NCAM2: variants seen among roughly 807,000 people sequenced by gnomAD.
NCAM2 encodes the protein neural cell adhesion molecule 2, also known as N-CAM-2.
NCAM2 carries 30 observed loss-of-function variants against 98.1 expected under a neutral mutation model. The observed-to-expected ratio is 0.31, with a 90% CI of 0.23 to 0.41. The LOEUF is 0.41. NCAM2 is among the 10% of genes least tolerant of loss of function. The pLI, the probability that NCAM2 is intolerant of heterozygous loss-of-function variation, is 1.00. For synonymous variants in NCAM2, 368 were observed against 342.4 expected, an observed-to-expected ratio of 1.07 and a Z score of -0.83; for missense variants, 867 against 1,005.8, an observed-to-expected ratio of 0.86 and a Z score of 1.87.
chr21:21,216,316 G>A (rs774345094), intron 1 of NCAM2, among the ~76,000 whole-genome samples: 3 of 152,234 alleles, frequency 2.0e-5, no homozygotes, highest in African/African-American at 2.4e-5. Context: ...GGGGAAGGGT[G>A]GATTAAAAAC....
chr21:21,057,050 T>C (rs967935854), intron 1 of NCAM2, among the ~76,000 whole-genome samples: 1 of 152,074 alleles, frequency 6.6e-6, no homozygotes, highest in African/African-American at 2.4e-5. Flanking sequence ...CATATATAAA[T>C]ACTTTCCCCC....
chr21:21,393,797 A>C (rs968260702), intron 9 of NCAM2, among the ~76,000 whole-genome samples: 13 of 152,316 alleles, frequency 8.5e-5, no homozygotes, highest in African/African-American at 3.1e-4. Flanking sequence ...TTCATGAAAA[A>C]TTCAAATATA....
intron 16 of NCAM2, among the ~76,000 whole-genome samples, chr21:21,513,256 G>A (rs1224970605): frequency 6.6e-6 from 1 of 151,874 alleles, no homozygotes; most frequent in Admixed American, 6.6e-5. Flanking sequence ...GTTAGCTTTG[G>A]CTCTTCCAGT....
intron 1 of NCAM2, among the ~76,000 whole-genome samples, chr21:21,051,407 G>C (rs8133391): frequency 0.88 from 134,031 of 152,220 alleles, 59,594 homozygotes; most frequent in Middle Eastern, 0.96. Flanking sequence ...AGCTCAGTTT[G>C]TATCCAGGAA....
intron 1 of NCAM2, among the ~76,000 whole-genome samples, chr21:21,036,770 T>C (rs541903075): frequency 2.0e-5 from 3 of 152,150 alleles, no homozygotes; most frequent in Admixed American, 6.5e-5. Flanking sequence ...CAAAGGCTTG[T>C]TATGCAGACG....
intron 3 of NCAM2, among the ~76,000 whole-genome samples, chr21:21,284,799 G>A (rs1001160004): frequency 6.6e-5 from 10 of 151,460 alleles, no homozygotes; most frequent in African/African-American, 2.4e-4. Context: ...AGAATCTGGG[G>A]AAGGGTCAGT....
chr21:21,017,857 G>T (rs1304205308), intron 1 of NCAM2, among the ~76,000 whole-genome samples: 2 of 151,958 alleles, frequency 1.3e-5, no homozygotes, highest in Non-Finnish European at 2.9e-5. Flanking sequence ...ATAGGTCTGT[G>T]TATATATATT....
chr21:21,060,001 A>G lies in NCAM2; in HGVS notation c.55+61383A>G, dbSNP rs199979195. Among the ~76,000 whole-genome samples, 4 of 152,226 alleles carry G rather than the reference A, an allele frequency of 2.6e-5. No individual in the cohort carries two copies. In the East Asian group the frequency reaches 7.7e-4, roughly 29 times the overall value. On this transcript the variant is annotated intron_variant, in intron 1 of 17. Transcript: ENST00000400546. ...TGTCTAACCCTGTGGATTTACTATC[A>G]TTATAATTAATGATGTGAAATATAA...
intron 15 of NCAM2, among the ~76,000 whole-genome samples, chr21:21,479,109 T>C (rs1985523762): frequency 6.6e-6 from 1 of 152,164 alleles, no homozygotes; most frequent in African/African-American, 2.4e-5. Context: ...AAATTTTTAA[T>C]TTAGTGTATA....
chr21:21,086,913 T>C (rs1037573708), intron 1 of NCAM2, among the ~76,000 whole-genome samples: 1 of 152,068 alleles, frequency 6.6e-6, no homozygotes, highest in Admixed American at 6.6e-5. Flanking sequence ...GCTAGGATTT[T>C]TTCAAATTGA....
chr21:21,068,247 C>T (rs1455727226), intron 1 of NCAM2, among the ~76,000 whole-genome samples: 1 of 149,722 alleles, frequency 6.7e-6, no homozygotes, highest in Non-Finnish European at 1.5e-5. Flanking sequence ...GTTCTCCTGC[C>T]TCATCCTCTA....
Position 21,542,549 on chromosome 21 carries a change from A to C in NCAM2, c.*4592A>C, listed in dbSNP as rs554909163. ...TTTTTTTCTTTTCTGAAATGAAAACATGAATCTTTTGGCATCTGTTTTTAG... is the reference window on the plus strand; with the variant it reads ...TTTTTTTCTTTTCTGAAATGAAAACCTGAATCTTTTGGCATCTGTTTTTAG... On this transcript the variant is annotated 3_prime_UTR_variant, in exon 18 of 18. Transcript: ENST00000400546. 5.9e-5 allele frequency: 9 copies of C among 151,992 alleles called. No individual in the cohort carries two copies. The highest frequency in any genetic ancestry group is 2.2e-4 in the African/African-American group (9 of 41,554). The allele number at this position is 151,992 out of a possible 1,614,324, so 9.4% of individuals were successfully genotyped here. A position where few individuals can be genotyped will look rare whatever the true frequency, so the allele number is the denominator to read the frequency against.
intron 12 of NCAM2, among the ~76,000 whole-genome samples, chr21:21,463,279 T>C (rs1424796887): frequency 6.6e-6 from 1 of 152,080 alleles, no homozygotes; most frequent in Non-Finnish European, 1.5e-5. Flanking sequence ...CCTCCAAATC[T>C]TTTCCCTCTC....
At chr21:21,060,633 A>G (rs2065301996) in intron 1 of NCAM2, among the ~76,000 whole-genome samples, 1 of 152,164 alleles carries the variant, frequency 6.6e-6, no homozygotes, top group African/African-American at 2.4e-5. Context: ...AAGCAGGAGT[A>G]AAAAATGACA....
chr21:21,504,998 T>C (rs1486301193), intron 15 of NCAM2, among the ~76,000 whole-genome samples: 3 of 151,994 alleles, frequency 2.0e-5, no homozygotes, highest in Non-Finnish European at 2.9e-5. Flanking sequence ...AGTCATCCTG[T>C]TGTGCTATTA....
chr21:21,053,987 G>A (rs545224085), intron 1 of NCAM2, among the ~76,000 whole-genome samples: 6 of 148,972 alleles, frequency 4.0e-5, no homozygotes, highest in Admixed American at 4.0e-4. Flanking sequence ...TTTGGTATGT[G>A]TTATGATTTC....
At chr21:21,307,744 G>A (rs1047020040) in intron 5 of NCAM2, among the ~76,000 whole-genome samples, 1 of 152,102 alleles carries the variant, frequency 6.6e-6, no homozygotes, top group Admixed American at 6.6e-5. Context: ...AAGCTCTGTA[G>A]CAGCAGTATG....
At chr21:21,046,616 C>T (rs2065011385) in intron 1 of NCAM2, among the ~76,000 whole-genome samples, 1 of 152,114 alleles carries the variant, frequency 6.6e-6, no homozygotes, top group Non-Finnish European at 1.5e-5. Context: ...TTTGCTTCAC[C>T]ATTTTGGCGT....
chr21:21,181,651 G>GA (rs1241353220), intron 1 of NCAM2, among the ~76,000 whole-genome samples: 2 of 152,026 alleles, frequency 1.3e-5, no homozygotes, highest in African/African-American at 4.8e-5. Flanking sequence ...AACTTCTACT[G>GA]AAAAGCCTTT....
Sources: allele counts gnomAD v4.1 joint callset (sites outside exome capture counted in the v4.1 genomes callset), GRCh38; gene constraint gnomAD v4.1.1; transcripts MANE v1.5; gene names NCBI Gene and HGNC (gene_info 2026-07-23, HGNC 2026-07-21).